ERCC6L2: variants seen among roughly 807,000 people sequenced by gnomAD.
The protein encoded by ERCC6L2 is DNA excision repair protein ERCC-6-like 2.
A neutral mutation model predicts 132.0 loss-of-function variants in ERCC6L2; 77 were observed. The ratio of observed to expected loss-of-function variants is 0.58; its 90% confidence interval spans 0.49 to 0.71. The LOEUF is 0.71. Ranked by LOEUF, ERCC6L2 falls within the 30% of genes least tolerant of loss-of-function variation. The probability of loss-of-function intolerance (pLI) is 0.00; values close to 1 mark genes in which losing one functional copy is unlikely to be tolerated. For missense variants in ERCC6L2, 1,542 were observed against 1,837.6 expected, an observed-to-expected ratio of 0.84 and a Z score of 2.94; for synonymous variants, 583 against 632.4, an observed-to-expected ratio of 0.92 and a Z score of 1.17.
intron 3 of ERCC6L2, 89 bp downstream of exon 3, chr9:95,898,060 A>T: frequency 8.7e-7 from 1 of 1,152,856 alleles, no homozygotes; most frequent in Non-Finnish European, 1.2e-6. Flanking sequence ...ATTAAAATGT[A>T]TTGGTATACA....
chr9:96,021,930 G>A (rs1052529496), downstream of ERCC6L2, among the ~76,000 whole-genome samples: 1 of 152,202 alleles, frequency 6.6e-6, no homozygotes, highest in Non-Finnish European at 1.5e-5. The surrounding 1 kb of genome is among the most constrained non-coding windows in gnomAD (Gnocchi z 4.7). Context: ...ATGGAATCAG[G>A]GCCCCGGCGC....
At chr9:96,009,664 G>GC (rs1284758207) in intron 18 of ERCC6L2, among the ~76,000 whole-genome samples, 4 of 152,098 alleles carry the variant, frequency 2.6e-5, no homozygotes, top group African/African-American at 9.7e-5. Context: ...GCTGGCTTAT[G>GC]CCCCCTGTTT....
In ERCC6L2 at chr9:95,972,256, T is replaced by A; in HGVS notation, c.2505T>A (p.Gly835=). The A allele has an allele frequency of 1.5e-6, 2 of 1,304,024 alleles. No individual in the cohort carries two copies. Among genetic ancestry groups the A allele is most frequent in the Non-Finnish European group, 2.0e-6 (2 of 988,870 alleles). The allele number at this position is 1,304,024 out of a possible 1,614,324, so 80.8% of individuals were successfully genotyped here. Residue 835 remains glycine (G), a synonymous_variant, in exon 16 of 19, where the codon GGT becomes GGA. Transcript: ENST00000653738. The part of the protein sequence containing the change: ...TCLSTEAKDA[G]CEKNQDSLGT... ...TTTCAACAGAAGCCAAAGATGCTGG[T>A]TGTGAGAAAAATCAGGACTCTCTTG...
chr9:95,951,421 G>T (rs889154885), intron 12 of ERCC6L2, among the ~76,000 whole-genome samples: 1 of 152,080 alleles, frequency 6.6e-6, no homozygotes, highest in Non-Finnish European at 1.5e-5. Context: ...AAAACCCCCA[G>T]AGCTAGCCAG....
At chr9:95,960,634 G>A (rs1424496117) in intron 13 of ERCC6L2, among the ~76,000 whole-genome samples, 3 of 152,092 alleles carry the variant, frequency 2.0e-5, no homozygotes, top group Non-Finnish European at 2.9e-5. Flanking sequence ...CTTTGCTAGA[G>A]CCTCCAGAAG....
At chr9:95,954,779 T>C (rs1831515761) in intron 12 of ERCC6L2, 2 of 471,096 alleles carry the variant, frequency 4.2e-6, no homozygotes, top group South Asian at 3.1e-5. Context: ...TCTCCTCTGC[T>C]CCTGGGTTGC....
chr9:95,932,351 A>G lies in ERCC6L2; in HGVS notation c.1751+3487A>G, dbSNP rs376338960. On this transcript the variant is annotated intron_variant, in intron 11 of 18. Transcript: ENST00000653738. Reference sequence around the variant, plus strand: ...AGTGCTGGGATTATAGGTGTGAGCCACCATTTCTGCCATCACATTTTTAAT... The same window carrying G: ...AGTGCTGGGATTATAGGTGTGAGCCGCCATTTCTGCCATCACATTTTTAAT... Among the ~76,000 whole-genome samples, 20 of 152,252 alleles carry G rather than the reference A, an allele frequency of 1.3e-4. No individual in the cohort carries two copies. The South Asian group carries it at 3.9e-3, about 30-fold the overall frequency.
intron 3 of ERCC6L2, among the ~76,000 whole-genome samples, chr9:95,903,763 A>C (rs1019400745): frequency 6.6e-6 from 1 of 152,106 alleles, no homozygotes; most frequent in Admixed American, 6.6e-5. Flanking sequence ...TTCACATGGG[A>C]AGAAGTGTGA....
chr9:95,974,972 ATTTACT>A (rs985499404), intron 16 of ERCC6L2, among the ~76,000 whole-genome samples: 19 of 152,144 alleles, frequency 1.2e-4, no homozygotes, highest in African/African-American at 3.9e-4. Context: ...ATAGGGAATG[ATTTACT>A]TTTAATGCCC....
At chr9:96,031,659 A>C (rs1834461970) in intron 19 of ERCC6L2, among the ~76,000 whole-genome samples, 1 of 152,254 alleles carries the variant, frequency 6.6e-6, no homozygotes, top group Non-Finnish European at 1.5e-5. Context: ...CCCTGAGGGC[A>C]GTGACAGCTT....
At chr9:95,957,297 C>T (rs961261383) in intron 13 of ERCC6L2, among the ~76,000 whole-genome samples, 2 of 152,060 alleles carry the variant, frequency 1.3e-5, no homozygotes, top group African/African-American at 4.8e-5. Context: ...GGTAGTTAAC[C>T]TAAGAATGAT....
At chr9:95,923,462 A>G (rs1829967285) in intron 9 of ERCC6L2, 83 bp downstream of exon 9, 3 of 1,488,516 alleles carry the variant, frequency 2.0e-6, no homozygotes, top group Non-Finnish European at 2.8e-6. Context: ...CCAACTAATC[A>G]GAACAGGTGC....
At position 95,972,632 on chromosome 9, in the gene ERCC6L2, A is replaced by G; in HGVS notation, c.2881A>G (p.Ser961Gly). ...KRNGIISKKLSPENTTLKSIL... is the reference protein window; with the variant it reads ...KRNGIISKKLGPENTTLKSIL... ...AAATGGAATAATTTCAAAAAAGTTAAGTCCTGAGAACACAACCCTGAAATC... is the reference window on the plus strand; with the variant it reads ...AAATGGAATAATTTCAAAAAAGTTAGGTCCTGAGAACACAACCCTGAAATC... The change falls in exon 16 of 19, where the codon AGT (serine) becomes GGT (glycine). Residue 961 changes from serine to glycine, a missense_variant. Physicochemically the swap from Ser to Gly is moderately conservative, Grantham distance 56. Transcript: ENST00000653738. 2.3e-6 allele frequency: 3 copies of G among 1,292,478 alleles called. No individual in the cohort carries two copies. Among genetic ancestry groups the G allele is most frequent in the African/African-American group, 1.5e-5 (1 of 65,938 alleles). The allele number at this position is 1,292,478 out of a possible 1,614,324, so 80.1% of individuals were successfully genotyped here. A position where few individuals can be genotyped will look rare whatever the true frequency, so the allele number is the denominator to read the frequency against.
At chr9:95,996,160 A>G (rs1833465338) in intron 17 of ERCC6L2, among the ~76,000 whole-genome samples, 1 of 152,256 alleles carries the variant, frequency 6.6e-6, no homozygotes, top group African/African-American at 2.4e-5. Flanking sequence ...CACACAAACA[A>G]TAAGAAAGTG....
At chr9:95,994,952 T>C (rs560080327) in intron 17 of ERCC6L2, among the ~76,000 whole-genome samples, 39 of 152,316 alleles carry the variant, frequency 2.6e-4, no homozygotes, top group Admixed American at 9.8e-4. Context: ...CCTCCAAAAT[T>C]ACTTTTTGCT....
intron 9 of ERCC6L2, among the ~76,000 whole-genome samples, chr9:95,927,562 A>G (rs1830154323): frequency 6.6e-6 from 1 of 152,190 alleles, no homozygotes; most frequent in Non-Finnish European, 1.5e-5. Flanking sequence ...CTTACTGTAA[A>G]TAGAGAAACA....
At chr9:95,892,374 T>C (rs1056485590) in intron 2 of ERCC6L2, among the ~76,000 whole-genome samples, 9 of 151,766 alleles carry the variant, frequency 5.9e-5, no homozygotes, top group Non-Finnish European at 5.9e-5. Context: ...AGAGTATTTC[T>C]CTGTAGGATA....
intron 3 of ERCC6L2, among the ~76,000 whole-genome samples, chr9:95,899,600 ATGTGTGTG>A (rs56991965): frequency 3.0e-4 from 41 of 134,896 alleles, no homozygotes; most frequent in Admixed American, 1.4e-3. Flanking sequence ...TTATATATAT[ATGTGTGTG>A]TGTGTGTGTG....
At chr9:96,021,003 A>G (rs1256769398), downstream of ERCC6L2, 1 of 456,428 alleles carries the variant, frequency 2.2e-6, no homozygotes, top group Middle Eastern at 3.3e-4. The surrounding 1 kb of genome is among the most constrained non-coding windows in gnomAD (Gnocchi z 4.7). Flanking sequence ...CTGTTGGACC[A>G]AAAGTCCTCA....
Sources: gnomAD v4.1 joint callset for allele counts (sites outside exome capture counted in the v4.1 genomes callset) on GRCh38, gnomAD v4.1.1 for gene constraint, Gnocchi (gnomAD v3.1) non-coding constraint, MANE v1.5 for transcripts, NCBI Gene and HGNC (gene_info 2026-07-23, HGNC 2026-07-21) for gene names.